Variants in NDUFA10 observed in about 807,000 individuals in gnomAD.
NDUFA10 encodes NADH dehydrogenase [ubiquinone] 1 alpha subcomplex subunit 10, mitochondrial.
In NDUFA10, 40 loss-of-function variants were observed where a neutral mutation model predicts 47.8. The observed-to-expected ratio is 0.84, with a 90% CI of 0.65 to 1.09. The LOEUF (loss-of-function observed/expected upper bound fraction) is 1.09, where lower values mean the gene tolerates loss of function less well. Among genes scored for constraint, NDUFA10 ranks in the 50% least tolerant of loss-of-function variants. The pLI is 0.00. For missense variants in NDUFA10, 413 were observed against 451.1 expected (o/e 0.92, Z 0.76); for synonymous variants, 183 against 172.2 (o/e 1.06, Z -0.49).
intron 8 of NDUFA10, among the ~76,000 whole-genome samples, chr2:239,997,157 TTAGAAA>T (rs1696514112): frequency 6.6e-6 from 1 of 151,910 alleles, no homozygotes; most frequent in South Asian, 2.1e-4. Flanking sequence ...GCTGACTATA[TTAGAAA>T]AGAAAAAAGA....
At chr2:240,005,076 A>G in intron 8 of NDUFA10, 134 bp downstream of exon 8, 1 of 801,486 alleles carries the variant, frequency 1.2e-6, no homozygotes, top group Non-Finnish European at 2.2e-6. Flanking sequence ...TGTTTGGAAG[A>G]AAAAATACCT....
intron 4 of NDUFA10, among the ~76,000 whole-genome samples, chr2:239,912,179 G>C (rs1693766955): frequency 6.6e-6 from 1 of 152,182 alleles, no homozygotes; most frequent in African/African-American, 2.4e-5. Context: ...GGCACACAGA[G>C]CACCCAGCAC....
At chr2:239,901,859 T>C (rs1693557074) in intron 4 of NDUFA10, among the ~76,000 whole-genome samples, 1 of 151,828 alleles carries the variant, frequency 6.6e-6, no homozygotes, top group South Asian at 2.1e-4. Context: ...AAGACTTCAG[T>C]GGAGGAAGCA....
intron 9 of NDUFA10, among the ~76,000 whole-genome samples, chr2:239,981,092 C>T (rs569817529): frequency 1.6e-4 from 24 of 152,366 alleles, no homozygotes; most frequent in Non-Finnish European, 2.8e-4. Context: ...AGGGTCCTTT[C>T]AGGAGTAGGG....
At chr2:239,926,819 G>A (rs190508283) in intron 4 of NDUFA10, among the ~76,000 whole-genome samples, 4 of 152,282 alleles carry the variant, frequency 2.6e-5, no homozygotes, top group Non-Finnish European at 2.9e-5. Context: ...ACCCGAGACC[G>A]GGTAATTCAT....
chr2:240,003,704 C>T (rs1390556843), intron 8 of NDUFA10, among the ~76,000 whole-genome samples: 2 of 152,202 alleles, frequency 1.3e-5, no homozygotes, highest in African/African-American at 4.8e-5. Flanking sequence ...AAGTCACTCA[C>T]TCCAGATACA....
chr2:239,937,576 CTCATCCAG>C (rs1482077117), intron 4 of NDUFA10, among the ~76,000 whole-genome samples: 1 of 152,216 alleles, frequency 6.6e-6, no homozygotes, highest in Non-Finnish European at 1.5e-5. Flanking sequence ...CCACAGTCCG[CTCATCCAG>C]TCATCAGCTG....
At chr2:239,996,109 C>T (rs1696465329) in intron 8 of NDUFA10, among the ~76,000 whole-genome samples, 1 of 152,064 alleles carries the variant, frequency 6.6e-6, no homozygotes, top group Non-Finnish European at 1.5e-5. Flanking sequence ...AGTAAAGATA[C>T]CGATGACCCC....
At chr2:239,927,750 G>T (rs991570579) in intron 4 of NDUFA10, among the ~76,000 whole-genome samples, 2 of 152,208 alleles carry the variant, frequency 1.3e-5, no homozygotes, top group Non-Finnish European at 2.9e-5. Context: ...AGCCTGGGTG[G>T]CGACTGGGGA....
intron 3 of NDUFA10, among the ~76,000 whole-genome samples, chr2:240,018,999 A>G (rs1202858857): frequency 6.6e-6 from 1 of 151,476 alleles, no homozygotes; most frequent in Non-Finnish European, 1.5e-5. Flanking sequence ...CTACTTCTCA[A>G]CCTCACCTCT....
At chr2:239,901,284 T>A (rs1693544290) in intron 4 of NDUFA10, among the ~76,000 whole-genome samples, 1 of 152,158 alleles carries the variant, frequency 6.6e-6, no homozygotes, top group African/African-American at 2.4e-5. Flanking sequence ...GAAGGATCGC[T>A]TAAGCCCAGG....
intron 4 of NDUFA10, among the ~76,000 whole-genome samples, chr2:239,943,823 G>C (rs962007067): frequency 1.3e-5 from 2 of 152,182 alleles, no homozygotes; most frequent in African/African-American, 4.8e-5. Context: ...CAGCCCCTCT[G>C]CAGAGCTGGA....
chr2:239,978,871 C>T (rs1695644922), intron 9 of NDUFA10, among the ~76,000 whole-genome samples: 1 of 152,066 alleles, frequency 6.6e-6, no homozygotes, highest in African/African-American at 2.4e-5. Context: ...TGTCTTCCCA[C>T]CGTTTGTATG....
At position 239,948,844 on chromosome 2, in the gene NDUFA10, C is replaced by A. The variant is rs1694501807; in HGVS notation, c.294+41230G>T. Among the ~76,000 whole-genome samples, 3 of 152,222 alleles carry A rather than the reference C, an allele frequency of 2.0e-5. No individual in the cohort carries two copies. In the South Asian group the frequency reaches 6.2e-4, roughly 31 times the overall value. On this transcript the variant is annotated intron_variant, in intron 4 of 5. Coordinates refer to the NDUFA10 transcript ENST00000419408. ...CGAGCCATCCTGGCCTAGGCAGGAG[C>A]CAGCAGAGGCCTGTGTATTTATTTT...
At chr2:239,979,230 G>T (rs1212897071) in intron 9 of NDUFA10, among the ~76,000 whole-genome samples, 1 of 152,102 alleles carries the variant, frequency 6.6e-6, no homozygotes, top group African/African-American at 2.4e-5. Context: ...GTTACAAACG[G>T]CAAATTCCTA....
At chr2:239,977,196 C>T (rs1159431599) in intron 9 of NDUFA10, among the ~76,000 whole-genome samples, 10 of 152,268 alleles carry the variant, frequency 6.6e-5, no homozygotes, top group African/African-American at 2.4e-4. Context: ...CTAACAGTAA[C>T]GAAGGCCACT....
At chr2:239,930,018 C>T (rs1465447436) in intron 4 of NDUFA10, among the ~76,000 whole-genome samples, 2 of 114,480 alleles carry the variant, frequency 1.7e-5, no homozygotes, top group African/African-American at 7.3e-5. Flanking sequence ...CCTGCTCCTC[C>T]ACCAGTCCTG....
chr2:239,989,154 T>G (rs1346798723), intron 9 of NDUFA10, among the ~76,000 whole-genome samples: 1 of 152,226 alleles, frequency 6.6e-6, no homozygotes, highest in Non-Finnish European at 1.5e-5. Context: ...CTGAGAGATA[T>G]CTTTATGGTT....
intron 4 of NDUFA10, among the ~76,000 whole-genome samples, chr2:239,937,997 G>A (rs538865237): frequency 2.6e-5 from 4 of 152,236 alleles, no homozygotes; most frequent in East Asian, 1.9e-4. Flanking sequence ...GAGAGCAGCC[G>A]CAAATACTCA....
Sources: gnomAD v4.1 joint callset for allele counts (sites outside exome capture counted in the v4.1 genomes callset) on GRCh38, gnomAD v4.1.1 for gene constraint, MANE v1.5 for transcripts, NCBI Gene and HGNC (gene_info 2026-07-23, HGNC 2026-07-21) for gene names.